The following SLC4A7 variants were observed in gnomAD, a reference collection of about 807,000 sequenced individuals.
SLC4A7 encodes solute carrier family 4 member 7.
SLC4A7 carries 51 observed loss-of-function variants against 137.6 expected under a neutral mutation model. The ratio of observed to expected loss-of-function variants is 0.37; its 90% CI spans 0.30 to 0.47. SLC4A7 has a LOEUF of 0.47. Among genes scored for constraint, SLC4A7 ranks in the 20% least tolerant of loss-of-function variants. The probability of loss-of-function intolerance (pLI) is 1.00; values close to 1 mark genes in which losing one functional copy is unlikely to be tolerated. For missense variants in SLC4A7, 1,247 were observed against 1,525.4 expected, an observed-to-expected ratio of 0.82 and a Z score of 3.04; for synonymous variants, 542 against 518.6, an observed-to-expected ratio of 1.05 and a Z score of -0.61.
At chr3:27,467,826 C>G (rs1340439290) in intron 1 of SLC4A7, among the ~76,000 whole-genome samples, 1 of 152,104 alleles carries the variant, frequency 6.6e-6, no homozygotes, top group African/African-American at 2.4e-5. Flanking sequence ...GAGAATGACT[C>G]TAAAGGCAAA....
At chr3:27,432,668 T>C (rs1298548915) in intron 6 of SLC4A7, among the ~76,000 whole-genome samples, 2 of 152,124 alleles carry the variant, frequency 1.3e-5, no homozygotes, top group African/African-American at 2.4e-5. Context: ...ATAAGCTACA[T>C]GCAGGAAAAA....
At chr3:27,415,229 G>T (rs1190886529) in intron 11 of SLC4A7, among the ~76,000 whole-genome samples, 1 of 152,116 alleles carries the variant, frequency 6.6e-6, no homozygotes, top group East Asian at 1.9e-4. Context: ...ATATCAAAAA[G>T]ATTTTAAAAG....
chr3:27,447,730 A>G (rs560719876), intron 3 of SLC4A7, among the ~76,000 whole-genome samples: 94 of 149,976 alleles, frequency 6.3e-4, no homozygotes, highest in African/African-American at 2.3e-3. Context: ...ATCAGATAAC[A>G]GTCTTGTTCC....
At position 27,390,100 on chromosome 3, in the gene SLC4A7, A is replaced by C. The variant is rs1290126117; in HGVS notation, c.3191T>G (p.Phe1064Cys). The stretch of plus-strand genomic sequence containing the variant: ...CATTCCAAATAATTTTATACGGTCA[A>C]ATAACTACATATAGAATAAAAAACA... Reference protein sequence around the residue: ...GVSSLKGIQLFDRIKLFGMPA... With the variant: ...GVSSLKGIQLCDRIKLFGMPA... Residue 1064 changes from phenylalanine (F) to cysteine (C), a missense_variant, in exon 22 of 26, where the codon TTT becomes TGT. Around this residue, in one of 6 missense-constraint regions of SLC4A7, gnomAD observed 290 missense variants for 323.8 expected, o/e 0.90. Coordinates refer to ENST00000454389, the MANE Select transcript of SLC4A7 (RefSeq NM_001321103.2). 3.2e-6 allele frequency: 5 copies of C among 1,577,650 alleles called. No homozygotes were observed. Among genetic ancestry groups the C allele is most frequent in the Non-Finnish European group, 4.3e-6 (5 of 1,150,456 alleles).
intron 18 of SLC4A7, among the ~76,000 whole-genome samples, chr3:27,396,252 A>G (rs2150115108): frequency 6.6e-6 from 1 of 152,292 alleles, no homozygotes; most frequent in South Asian, 2.1e-4. Flanking sequence ...ATGAACAAAA[A>G]TATTTTATTC....
At chr3:27,475,119 C>T (rs546841050) in intron 1 of SLC4A7, among the ~76,000 whole-genome samples, 1 of 151,738 alleles carries the variant, frequency 6.6e-6, no homozygotes, top group Admixed American at 6.6e-5. Flanking sequence ...AGAAAAAAAA[C>T]CAGTATCAAA....
intron 3 of SLC4A7, 81 bp from the exon 4 acceptor site, chr3:27,437,607 C>A: frequency 1.2e-6 from 1 of 843,902 alleles, no homozygotes; most frequent in Non-Finnish European, 1.7e-6. Context: ...GAAAATGAAA[C>A]ACTTTTGTTA....
intron 18 of SLC4A7, among the ~76,000 whole-genome samples, 162 bp downstream of exon 18, chr3:27,397,522 T>C (rs536884716): frequency 6.6e-6 from 1 of 152,304 alleles, no homozygotes; most frequent in South Asian, 2.1e-4. Flanking sequence ...TGTCATTGTT[T>C]ATATACATAT....
chr3:27,475,099 C>T (rs751390714), intron 1 of SLC4A7, among the ~76,000 whole-genome samples: 10 of 151,744 alleles, frequency 6.6e-5, no homozygotes, highest in Non-Finnish European at 1.3e-4. Context: ...AGCGAGATTG[C>T]GTCTCAAAAA....
chr3:27,404,523 G>A (rs1025065849), intron 14 of SLC4A7, among the ~76,000 whole-genome samples: 1 of 152,186 alleles, frequency 6.6e-6, no homozygotes, highest in Non-Finnish European at 1.5e-5. Flanking sequence ...ACCCAATTCA[G>A]ATTAACACCT....
rs1055844584 is a variant in SLC4A7, at chr3:27,394,569, T to C, written c.3066A>G (p.Leu1022=). 1.2e-6 allele frequency: 2 copies of C among 1,614,110 alleles called. No homozygotes were observed. Among genetic ancestry groups the C allele is most frequent in the Non-Finnish European group, 1.7e-6 (2 of 1,179,942 alleles). Residue 1022 remains leucine, a synonymous_variant, in exon 20 of 26, where the codon CTA becomes CTG. Coordinates refer to ENST00000454389, the MANE Select transcript of SLC4A7 (RefSeq NM_001321103.2). ...LGIREQRVTG[L]MIFILMGLSV... ...AGAGGCCCATTAGAATAAAAATCAT[T>C]AGCCCTGTAACCCGCTGTTCACGAA... is the stretch of plus-strand genomic sequence containing the variant.
chr3:27,449,638 C>T (rs1484072635), intron 2 of SLC4A7, among the ~76,000 whole-genome samples: 1 of 151,874 alleles, frequency 6.6e-6, no homozygotes, highest in Non-Finnish European at 1.5e-5. Flanking sequence ...AGTATAATAA[C>T]AAAATAGTTA....
intron 6 of SLC4A7, among the ~76,000 whole-genome samples, chr3:27,432,538 A>G (rs968074250): frequency 1.3e-5 from 2 of 152,200 alleles, no homozygotes; most frequent in African/African-American, 2.4e-5. Context: ...AAAGAATAAC[A>G]TTCTTTATGA....
chr3:27,451,717 A>C (rs1001972625), intron 2 of SLC4A7, among the ~76,000 whole-genome samples: 1 of 152,146 alleles, frequency 6.6e-6, no homozygotes. Flanking sequence ...AAACTAGTGA[A>C]GCCTAAATAA....
chr3:27,484,049 C>A lies in SLC4A7; in HGVS notation c.60+18G>T. The A allele has an allele frequency of 7.2e-7, 1 of 1,393,824 alleles. No homozygotes were observed. The highest frequency in any genetic ancestry group is 9.3e-7 in the Non-Finnish European group (1 of 1,069,856). 86.3% of individuals were successfully genotyped at this position (1,393,824 alleles called of 1,614,324 possible). ...GCCCTCCCCCTGCGGAGGAGCCCCA[C>A]CGCCGCGGCGCCCTCACCCTGCTCG... On this transcript the variant is annotated intron_variant, in intron 1 of 25. Transcript: ENST00000454389.
chr3:27,446,610 C>A (rs949517651), intron 3 of SLC4A7, among the ~76,000 whole-genome samples: 2 of 152,076 alleles, frequency 1.3e-5, no homozygotes, highest in South Asian at 4.1e-4. Context: ...CCTTTTTACT[C>A]AGTATGAATT....
chr3:27,378,493 C>T (rs2050116158), intron 25 of SLC4A7, among the ~76,000 whole-genome samples: 1 of 152,110 alleles, frequency 6.6e-6, no homozygotes, highest in Non-Finnish European at 1.5e-5. Context: ...GATTAAAGTA[C>T]TAATGATTAC....
rs147943272 is a variant in SLC4A7, at chr3:27,400,670, C to T, written c.2427+94G>A. 67 of 702,322 alleles carry T rather than the reference C, an allele frequency of 9.5e-5. No homozygotes were observed. In the East Asian group the frequency reaches 1.7e-3, roughly 18 times the overall value. 43.5% of individuals were successfully genotyped at this position (702,322 alleles called of 1,614,324 possible). On this transcript the variant is annotated intron_variant, in intron 16 of 25. Coordinates refer to ENST00000454389, the MANE Select transcript of SLC4A7 (RefSeq NM_001321103.2). ...ACATTCTGAAAACATACTACCGATC[C>T]ATCAATCAAGAGAAAATGGATGTCT...
intron 7 of SLC4A7, among the ~76,000 whole-genome samples, chr3:27,430,599 C>T (rs1196529173): frequency 1.5e-5 from 2 of 130,750 alleles, no homozygotes; most frequent in East Asian, 2.1e-4. Context: ...AGCAAGACCC[C>T]GTCTCCAAAA....
Sources: allele counts gnomAD v4.1 joint callset (sites outside exome capture counted in the v4.1 genomes callset), GRCh38; gene constraint gnomAD v4.1.1; regional missense constraint gnomAD v4.1.1; transcripts MANE v1.5; gene names NCBI Gene and HGNC (gene_info 2026-07-23, HGNC 2026-07-21).